The following CLIP2 variants were observed in gnomAD, a reference collection of about 807,000 sequenced individuals.
CLIP2 encodes CAP-Gly domain-containing linker protein 2.
A neutral mutation model predicts 111.7 loss-of-function variants in CLIP2; 41 were observed. That is an observed-to-expected ratio of 0.37 (90% confidence interval 0.29 to 0.48). CLIP2 has a LOEUF of 0.48. Ranked by LOEUF, CLIP2 falls within the 20% of genes least tolerant of loss-of-function variation. The pLI, the probability that CLIP2 is intolerant of heterozygous loss-of-function variation, is 0.99. For missense variants in CLIP2, 1,160 were observed against 1,422.1 expected (o/e 0.82, Z 2.96); for synonymous variants, 660 against 644.2 (o/e 1.02, Z -0.37).
chr7:74,394,451 T>A (rs1791390544), intron 13 of CLIP2, among the ~76,000 whole-genome samples: 1 of 152,100 alleles, frequency 6.6e-6, no homozygotes, highest in African/African-American at 2.4e-5. Context: ...GGTTTCTCCA[T>A]GTTGGTCAGG....
Position 74,375,928 on chromosome 7 carries a change from G to A in CLIP2, c.1527G>A (p.Glu509=), listed in dbSNP as rs782599052. 5.6e-6 allele frequency: 9 copies of A among 1,594,658 alleles called. No homozygotes were observed. The highest frequency in any genetic ancestry group is 7.7e-6 in the Non-Finnish European group (9 of 1,172,050). The part of the protein sequence containing the change: ...VAEKSRVLQL[E]EELTLRRGEI... Reference sequence around the variant, plus strand: ...AGAAGTCGCGCGTGCTGCAGCTGGAGGAGGAGCTCACCCTGCGCCGAGGTG... The same window carrying A: ...AGAAGTCGCGCGTGCTGCAGCTGGAAGAGGAGCTCACCCTGCGCCGAGGTG... The change falls in exon 10 of 17, where the codon GAG becomes GAA. Residue 509 remains glutamate (E), a synonymous_variant. Transcript: ENST00000223398.
At chr7:74,392,691 G>A (rs1791326536) in intron 13 of CLIP2, among the ~76,000 whole-genome samples, 1 of 152,114 alleles carries the variant, frequency 6.6e-6, no homozygotes, top group Non-Finnish European at 1.5e-5. Context: ...TCCAGGTATG[G>A]TGAAGCACGC....
At chr7:74,397,359 G>A (rs1661111436) in intron 14 of CLIP2, 126 bp downstream of exon 14, 1 of 1,067,302 alleles carries the variant, frequency 9.4e-7, no homozygotes, top group Non-Finnish European at 1.3e-6. Context: ...GAGTCATGGT[G>A]AGGATTTGAA....
chr7:74,303,769 A>T (rs1460982443), intron 1 of CLIP2, among the ~76,000 whole-genome samples: 1 of 151,144 alleles, frequency 6.6e-6, no homozygotes, highest in Non-Finnish European at 1.5e-5. Flanking sequence ...AAAATTAGCC[A>T]GTTGTGGTGG....
At chr7:74,381,567 C>G (rs1554313924) in intron 11 of CLIP2, 1 of 455,428 alleles carries the variant, frequency 2.2e-6, no homozygotes, top group Non-Finnish European at 4.4e-6. Context: ...GTTCTCTATT[C>G]TTCCCTCCCT....
rs1788958540 is a variant in CLIP2, at chr7:74,321,735, T to C, written c.121+4068T>C. Among the ~76,000 whole-genome samples, 4 of 151,870 alleles carry C rather than the reference T, an allele frequency of 2.6e-5. No individual in the cohort carries two copies. In the South Asian group the frequency reaches 6.2e-4, roughly 24 times the overall value. On this transcript the variant is annotated intron_variant, in intron 2 of 16. Coordinates refer to ENST00000223398, the MANE Select transcript of CLIP2 (RefSeq NM_003388.5). The stretch of plus-strand genomic sequence containing the variant: ...CCCCCGCCTTGGCCCCCCAAAGTGC[T>C]GGGATTATAGGTGTGAGCCACCGCG...
At chr7:74,299,745 C>G (rs1413621017) in intron 1 of CLIP2, among the ~76,000 whole-genome samples, 1 of 151,724 alleles carries the variant, frequency 6.6e-6, no homozygotes, top group Non-Finnish European at 1.5e-5. Flanking sequence ...GTTGCCTAGG[C>G]TGGAGTGCAA....
chr7:74,394,245 ATT>A (rs56651501), intron 13 of CLIP2, among the ~76,000 whole-genome samples: 3 of 117,408 alleles, frequency 2.6e-5, no homozygotes, highest in African/African-American at 3.3e-5. Context: ...TTTTCTTCTT[ATT>A]TTTTTTTTTT....
intron 2 of CLIP2, among the ~76,000 whole-genome samples, chr7:74,319,349 TA>T (rs1463145758): frequency 1.9e-4 from 28 of 150,806 alleles, no homozygotes; most frequent in African/African-American, 6.8e-4. Context: ...CCGTCTCTAC[TA>T]AAAATACAAA....
intron 1 of CLIP2, among the ~76,000 whole-genome samples, chr7:74,300,551 G>T (rs1554726674): frequency 6.6e-6 from 1 of 151,360 alleles, no homozygotes. Flanking sequence ...CGCCTCCCAG[G>T]TTCACGCCAT....
At chr7:74,301,581 G>A (rs1164389305) in intron 1 of CLIP2, among the ~76,000 whole-genome samples, 4 of 148,552 alleles carry the variant, frequency 2.7e-5, no homozygotes, top group South Asian at 2.1e-4. Flanking sequence ...TGGTAGAGAC[G>A]GGGTTTCACC....
chr7:74,310,541 A>G (rs1467787009), intron 1 of CLIP2, among the ~76,000 whole-genome samples: 3 of 152,054 alleles, frequency 2.0e-5, no homozygotes, highest in Admixed American at 2.0e-4. Flanking sequence ...AATAAAATTA[A>G]AATGAAAAAC....
intron 11 of CLIP2, among the ~76,000 whole-genome samples, chr7:74,384,735 C>T (rs1056171945): frequency 2.0e-5 from 3 of 151,888 alleles, no homozygotes; most frequent in African/African-American, 4.8e-5. Context: ...CGTGAGCCAC[C>T]GCGCCTGGCC....
chr7:74,347,782 T>C (rs1217900661), intron 3 of CLIP2, among the ~76,000 whole-genome samples: 2 of 152,188 alleles, frequency 1.3e-5, no homozygotes, highest in East Asian at 3.8e-4. Flanking sequence ...AATATTCATG[T>C]TGTATAAATA....
chr7:74,312,942 G>A (rs1268705700), intron 1 of CLIP2, among the ~76,000 whole-genome samples: 2 of 152,222 alleles, frequency 1.3e-5, no homozygotes, highest in East Asian at 1.9e-4. Flanking sequence ...CATTCCTGAC[G>A]CGAGCATTGT....
intron 13 of CLIP2, among the ~76,000 whole-genome samples, chr7:74,396,003 A>G (rs1239931173): frequency 5.3e-5 from 8 of 152,172 alleles, no homozygotes; most frequent in Admixed American, 1.3e-4. Context: ...GTGCCAGCAG[A>G]TTTCCACTGT....
At chr7:74,298,032 C>G (rs1788223105) in intron 1 of CLIP2, among the ~76,000 whole-genome samples, 1 of 151,962 alleles carries the variant, frequency 6.6e-6, no homozygotes, top group South Asian at 2.1e-4. Context: ...ACAAGATATG[C>G]AAAGATCTTG....
At chr7:74,402,345 C>CAAAAAAAAA (rs559721641) in intron 16 of CLIP2, among the ~76,000 whole-genome samples, 1 of 117,400 alleles carries the variant, frequency 8.5e-6, no homozygotes, top group Non-Finnish European at 1.8e-5. Flanking sequence ...AAAAAAAAAC[C>CAAAAAAAAA]AAAAAAAAAA....
At chr7:74,307,238 G>A (rs557649717) in intron 1 of CLIP2, among the ~76,000 whole-genome samples, 1 of 152,312 alleles carries the variant, frequency 6.6e-6, no homozygotes, top group East Asian at 1.9e-4. Context: ...GCCGTGGCAG[G>A]CGGACGCTGT....
Sources: allele counts gnomAD v4.1 joint callset (sites outside exome capture counted in the v4.1 genomes callset), GRCh38; gene constraint gnomAD v4.1.1; transcripts MANE v1.5; gene names NCBI Gene and HGNC (gene_info 2026-07-23, HGNC 2026-07-21).